The following SMIM19 variants were observed in gnomAD, a reference collection of about 807,000 sequenced individuals.
The protein encoded by SMIM19 is small integral membrane protein 19, also known as UPF0697 protein C8orf40.
In SMIM19, 6 loss-of-function variants were observed where a neutral mutation model predicts 13.2. That is an observed-to-expected ratio of 0.45 (90% CI 0.25 to 0.90). The LOEUF is 0.90. Ranked by LOEUF, SMIM19 falls within the 40% of genes least tolerant of loss-of-function variation. SMIM19 has a pLI of 0.19. For synonymous variants in SMIM19, 46 were observed against 43.1 expected (o/e 1.07, Z -0.27); for missense variants, 138 against 131.0 (o/e 1.05, Z -0.26).
In SMIM19 at chr8:42,552,525, T is replaced by C; in HGVS notation, c.260-19T>C. The C allele has an allele frequency of 6.2e-7, 1 of 1,613,498 alleles. No homozygotes were observed. Among genetic ancestry groups the C allele is most frequent in the African/African-American group, 1.3e-5 (1 of 75,034 alleles). Reference sequence around the variant, plus strand: ...GCAGTTTTATTAATTTTATCTCTTCTTTTTCTTGTTGTGAATAGCAAGAAA... The same window carrying C: ...GCAGTTTTATTAATTTTATCTCTTCCTTTTCTTGTTGTGAATAGCAAGAAA... On this transcript the variant is annotated intron_variant, in intron 3 of 3. Coordinates refer to ENST00000417410, the MANE Select transcript of SMIM19 (RefSeq NM_001135674.2).
Position 42,542,288 on chromosome 8 carries a change from GGTT to G in SMIM19, c.-85_-83del. ...ATGGAGCTTTAGTGCCGCCCAGCAG[GGTT>G]GTTGGGATAATTCAGTGACTCTGTG... On this transcript the variant is annotated 5_prime_UTR_variant, in exon 1 of 4. Transcript: ENST00000417410. 1 of 219,154 alleles carries G rather than the reference GGTT, an allele frequency of 4.6e-6. No individual in the cohort carries two copies. The allele number at this position is 219,154 out of a possible 1,614,324, so 13.6% of individuals were successfully genotyped here.
At chr8:42,548,425 T>C in intron 2 of SMIM19, 1 of 562,424 alleles carries the variant, frequency 1.8e-6, no homozygotes. Flanking sequence ...GGAACTTCAC[T>C]TTGTTGTGTT....
rs756677593 is a variant in SMIM19 at position 42,552,778 on chromosome 8, C to T, written c.*170C>T. The T allele has an allele frequency of 4.3e-6, 3 of 696,694 alleles. No homozygotes were observed. The highest frequency in any genetic ancestry group is 7.0e-6 in the Non-Finnish European group (3 of 428,672). The allele number at this position is 696,694 out of a possible 1,614,324, so 43.2% of individuals were successfully genotyped here. On this transcript the variant is annotated 3_prime_UTR_variant, in exon 4 of 4. Coordinates refer to ENST00000417410, the MANE Select transcript of SMIM19 (RefSeq NM_001135674.2). ...CTTTTTAAATTACATCTCCAAGTGG[C>T]TCAAAAGGCCTTGACACAGGGAACC...
Position 42,552,836 on chromosome 8 carries a change from G to T in SMIM19, c.*228G>T. On this transcript the variant is annotated 3_prime_UTR_variant, in exon 4 of 4. Coordinates refer to ENST00000417410, the MANE Select transcript of SMIM19 (RefSeq NM_001135674.2). ...ATCCAGGATATGTGTAACCAGCGAT[G>T]GTGACTTGACCTTGCCAAGACCTGT... 1 of 462,240 alleles carries T rather than the reference G, an allele frequency of 2.2e-6. No individual in the cohort carries two copies. The highest frequency in any genetic ancestry group is 4.5e-5 in the South Asian group (1 of 22,402). 28.6% of individuals were successfully genotyped at this position (462,240 alleles called of 1,614,324 possible).
At position 42,554,257 on chromosome 8, in the gene SMIM19, T is replaced by A. The variant is rs1482636843; in HGVS notation, c.*1649T>A. 1 of 152,210 alleles carries A rather than the reference T, an allele frequency of 6.6e-6. No individual in the cohort carries two copies. Among genetic ancestry groups the A allele is most frequent in the African/African-American group, 2.4e-5 (1 of 41,458 alleles). 9.4% of individuals were successfully genotyped at this position (152,210 alleles called of 1,614,324 possible). On this transcript the variant is annotated 3_prime_UTR_variant, in exon 4 of 4. Transcript: ENST00000417410. ...CTAAAGGATTGTAAACAGTTGTAAT[T>A]ATGGGTTGTAGTAACAGAGCAACAA...
chr8:42,544,234 A>AC (rs1813396905), intron 1 of SMIM19, among the ~76,000 whole-genome samples: 2 of 151,902 alleles, frequency 1.3e-5, no homozygotes, highest in African/African-American at 4.8e-5. Flanking sequence ...ACACGGTGAA[A>AC]CCCCGTCTCT....
chr8:42,552,638 T>A lies in SMIM19; in HGVS notation c.*30T>A, dbSNP rs1460344237. ...TCAGAAAAAGAGCAACAGAAGTAAT[T>A]GTTTCAAGCTCCTGATTCTTTCTAC... On this transcript the variant is annotated 3_prime_UTR_variant, in exon 4 of 4. Transcript: ENST00000417410. 2 of 1,605,792 alleles carry A rather than the reference T, an allele frequency of 1.2e-6. No homozygotes were observed. Among genetic ancestry groups the A allele is most frequent in the African/African-American group, 2.7e-5 (2 of 74,752 alleles).
intron 3 of SMIM19, among the ~76,000 whole-genome samples, chr8:42,552,181 G>A (rs1395173714): frequency 1.3e-5 from 2 of 152,012 alleles, no homozygotes; most frequent in Non-Finnish European, 2.9e-5. Flanking sequence ...CACTTTAAGA[G>A]GCCAAAGCAA....
chr8:42,549,844 C>G (rs1813610788), intron 3 of SMIM19, among the ~76,000 whole-genome samples: 6 of 152,016 alleles, frequency 3.9e-5, no homozygotes, highest in Admixed American at 3.9e-4. Flanking sequence ...CGCCTGTAAT[C>G]CTAGCACTTT....
At chr8:42,547,672 AT>A (rs1159296959) in intron 2 of SMIM19, among the ~76,000 whole-genome samples, 1 of 152,218 alleles carries the variant, frequency 6.6e-6, no homozygotes, top group East Asian at 1.9e-4. Flanking sequence ...TTGTCTGTCC[AT>A]TCCACAACAT....
chr8:42,545,319 G>A (rs1176827374), intron 1 of SMIM19, among the ~76,000 whole-genome samples: 1 of 152,148 alleles, frequency 6.6e-6, no homozygotes, highest in African/African-American at 2.4e-5. Context: ...ATTTCCTAGG[G>A]TAGATGTCAC....
chr8:42,549,414 A>G (rs1220721396), intron 3 of SMIM19, among the ~76,000 whole-genome samples: 1 of 151,908 alleles, frequency 6.6e-6, no homozygotes, highest in Non-Finnish European at 1.5e-5. Flanking sequence ...TCCGTCTCAA[A>G]AAAAAAAAAA....
chr8:42,544,766 A>G (rs1270681468), intron 1 of SMIM19, among the ~76,000 whole-genome samples: 2 of 152,242 alleles, frequency 1.3e-5, no homozygotes, highest in Non-Finnish European at 2.9e-5. Flanking sequence ...AGAAAGGCAG[A>G]AACATGCCAT....
chr8:42,549,925 A>G lies in SMIM19; in HGVS notation c.259+1145A>G, dbSNP rs897062948. On this transcript the variant is annotated intron_variant, in intron 3 of 3. Coordinates refer to ENST00000417410, the MANE Select transcript of SMIM19 (RefSeq NM_001135674.2). ...CAGCCTGCCAACATGGTGAAACCCCATCTTTACTAAAAGTACAAAAATTAG... is the reference window on the plus strand; with the variant it reads ...CAGCCTGCCAACATGGTGAAACCCCGTCTTTACTAAAAGTACAAAAATTAG... 2.0e-4 allele frequency among the ~76,000 whole-genome samples: 31 copies of G among 151,762 alleles called. 1 individual carries two copies. The highest frequency in any genetic ancestry group is 2.0e-3 in the Admixed American group (31 of 15,244).
chr8:42,546,225 T>TC (rs1322755930), intron 1 of SMIM19, among the ~76,000 whole-genome samples: 3 of 152,264 alleles, frequency 2.0e-5, no homozygotes, highest in African/African-American at 7.2e-5. Flanking sequence ...TTGTATTTTT[T>TC]CCCAAATATT....
At chr8:42,550,636 G>A (rs151194634) in intron 3 of SMIM19, among the ~76,000 whole-genome samples, 87 of 152,172 alleles carry the variant, frequency 5.7e-4, no homozygotes, top group Non-Finnish European at 8.8e-4. Flanking sequence ...TAATTTTAAC[G>A]GCCCATCTGA....
chr8:42,545,970 G>A (rs1813464526), intron 1 of SMIM19, among the ~76,000 whole-genome samples: 1 of 152,112 alleles, frequency 6.6e-6, no homozygotes, highest in Non-Finnish European at 1.5e-5. Flanking sequence ...AAATATTTTA[G>A]GTTTTGTGGG....
chr8:42,553,976 C>T lies in SMIM19; in HGVS notation c.*1368C>T, dbSNP rs1270546348. 5.0e-5 allele frequency: 6 copies of T among 120,798 alleles called. No homozygotes were observed. Among genetic ancestry groups the T allele is most frequent in the African/African-American group, 1.3e-4 (4 of 29,772 alleles). 7.5% of individuals were successfully genotyped at this position (120,798 alleles called of 1,614,324 possible). On this transcript the variant is annotated 3_prime_UTR_variant, in exon 4 of 4. Transcript: ENST00000417410. ...CAGCCTAGGCGACAGAGCAAGACTT[C>T]GTCTCAGAAAAAAAAAAAAAAGTTA...
chr8:42,541,482 G>A (rs1813153363), upstream of SMIM19: 2 of 145,810 alleles, frequency 1.4e-5, no homozygotes, highest in East Asian at 4.0e-4. Flanking sequence ...GGCCGCCGCT[G>A]CGTCTCTCCG....
Sources: gnomAD v4.1 joint callset for allele counts (sites outside exome capture counted in the v4.1 genomes callset) on GRCh38, gnomAD v4.1.1 for gene constraint, MANE v1.5 for transcripts, NCBI Gene and HGNC (gene_info 2026-07-23, HGNC 2026-07-21) for gene names.